CDK13: variants seen among roughly 807,000 people sequenced by gnomAD.
The protein encoded by CDK13 is cyclin dependent kinase 13, also known as cyclin-dependent kinase 13.
In CDK13, 40 loss-of-function variants were observed where a neutral mutation model predicts 137.6. The ratio of observed to expected loss-of-function variants is 0.29; its 90% confidence interval spans 0.23 to 0.38. The LOEUF (loss-of-function observed/expected upper bound fraction) is 0.38. Ranked by LOEUF, CDK13 falls within the 10% of genes least tolerant of loss-of-function variation. The probability of loss-of-function intolerance (pLI) is 1.00; values close to 1 mark genes in which losing one functional copy is unlikely to be tolerated. For synonymous variants in CDK13, 869 were observed against 760.1 expected (o/e 1.14, Z -2.36); for missense variants, 1,704 against 1,951.8 (o/e 0.87, Z 2.39).
In CDK13 at chr7:40,094,189, G is replaced by A. The variant is rs189808454; in HGVS notation, c.3748G>A (p.Asp1250Asn). The change falls in exon 14 of 14, where the codon GAC becomes AAC. Residue 1250 changes from aspartate (D) to asparagine (N), a missense_variant. Transcript: ENST00000181839. ...GATCTTGGAGCTAACGCCAGAACCA[G>A]ACCGGCCTCGAATTCTGCCTCCTGA... Reference protein sequence around the residue: ...MRILELTPEPDRPRILPPDQR... With the variant: ...MRILELTPEPNRPRILPPDQR... The A allele has an allele frequency of 2.7e-4, 440 of 1,613,998 alleles. 1 individual carries two copies. The highest frequency in any genetic ancestry group is 1.4e-5 in the Non-Finnish European group (16 of 1,180,002).
At chr7:40,027,141 C>T (rs966028590) in intron 5 of CDK13, among the ~76,000 whole-genome samples, 8 of 152,122 alleles carry the variant, frequency 5.3e-5, no homozygotes, top group African/African-American at 1.9e-4. Context: ...GTCAGGAGTT[C>T]GAGACCAGCC....
intron 2 of CDK13, among the ~76,000 whole-genome samples, chr7:39,992,413 G>A (rs1784482617): frequency 6.6e-6 from 1 of 151,942 alleles, no homozygotes; most frequent in Non-Finnish European, 1.5e-5. Context: ...GGCCAGGCTG[G>A]TCTCAAACCC....
At chr7:40,027,642 T>C (rs1188062891) in intron 5 of CDK13, among the ~76,000 whole-genome samples, 1 of 146,526 alleles carries the variant, frequency 6.8e-6, no homozygotes, top group Non-Finnish European at 1.5e-5. Context: ...TTACTTTCTA[T>C]AACACCCTTG....
intron 5 of CDK13, among the ~76,000 whole-genome samples, chr7:40,040,027 G>C (rs574853845): frequency 4.2e-4 from 56 of 133,676 alleles, no homozygotes; most frequent in Non-Finnish European, 3.2e-5. Flanking sequence ...TTTTTTTTGA[G>C]ATTGAGTTTT....
chr7:39,996,963 A>AAT, intron 2 of CDK13, among the ~76,000 whole-genome samples: 1 of 79,336 alleles, frequency 1.3e-5, no homozygotes, highest in African/African-American at 3.3e-5. Flanking sequence ...TTCCATCTCA[A>AAT]AAAAAAAAAA....
At chr7:40,045,182 G>A (rs1053528644) in intron 5 of CDK13, among the ~76,000 whole-genome samples, 19 of 152,142 alleles carry the variant, frequency 1.2e-4, no homozygotes, top group African/African-American at 4.6e-4. Flanking sequence ...CAGTTTGTGT[G>A]TAAGTTTCTT....
At chr7:39,961,309 G>A (rs1787612641) in intron 1 of CDK13, among the ~76,000 whole-genome samples, 1 of 152,100 alleles carries the variant, frequency 6.6e-6, no homozygotes, top group South Asian at 2.1e-4. Flanking sequence ...GCAGTGAGCC[G>A]AGATCTCGCC....
chr7:39,976,464 C>T (rs927772889), intron 1 of CDK13, among the ~76,000 whole-genome samples: 2 of 151,796 alleles, frequency 1.3e-5, no homozygotes, highest in East Asian at 1.9e-4. Flanking sequence ...TCTTAGTTCC[C>T]CCATCTGCTT....
rs537373847 is a variant in CDK13 at position 40,025,478 on chromosome 7, A to G, written c.2354-20358A>G. Among the ~76,000 whole-genome samples the G allele has an allele frequency of 9.1e-4, 139 of 152,268 alleles. 1 individual carries two copies. The Middle Eastern group carries it at 0.024, about 26-fold the overall frequency. On this transcript the variant is annotated intron_variant, in intron 5 of 13. Coordinates refer to ENST00000181839, the MANE Select transcript of CDK13 (RefSeq NM_003718.5). ...TGTAGTTTTTTGATCCACTTTCACC[A>G]TTGCTATTCCTTGTATCTACTTTCA...
At chr7:40,009,278 T>C (rs780420775) in intron 5 of CDK13, among the ~76,000 whole-genome samples, 18 of 152,280 alleles carry the variant, frequency 1.2e-4, no homozygotes, top group Non-Finnish European at 2.5e-4. Context: ...AAATGTAGCC[T>C]GAACTATATT....
intron 1 of CDK13, among the ~76,000 whole-genome samples, chr7:39,967,187 G>A (rs1012742426): frequency 2.0e-5 from 3 of 152,042 alleles, no homozygotes; most frequent in Admixed American, 6.6e-5. Flanking sequence ...CAGTACTTTG[G>A]GAGCCTGAGG....
At chr7:39,994,982 A>G (rs925532517) in intron 2 of CDK13, among the ~76,000 whole-genome samples, 1 of 151,568 alleles carries the variant, frequency 6.6e-6, no homozygotes, top group African/African-American at 2.4e-5. Context: ...ATTTGGAGAC[A>G]GCTTTATAAT....
chr7:39,960,669 G>A (rs1477763808), intron 1 of CDK13, among the ~76,000 whole-genome samples: 1 of 152,018 alleles, frequency 6.6e-6, no homozygotes, highest in African/African-American at 2.4e-5. Flanking sequence ...ACGCCTCCTG[G>A]GTTCAAGCTG....
chr7:39,997,888 T>C, intron 3 of CDK13: 1 of 440,286 alleles, frequency 2.3e-6, no homozygotes. Flanking sequence ...ATTTGTAATG[T>C]ATTAATTTCC....
chr7:40,027,410 T>C (rs948488009), intron 5 of CDK13, among the ~76,000 whole-genome samples: 1 of 152,224 alleles, frequency 6.6e-6, no homozygotes, highest in Non-Finnish European at 1.5e-5. Flanking sequence ...TTAGCTACTT[T>C]AGATTTTTTG....
intron 5 of CDK13, among the ~76,000 whole-genome samples, chr7:40,003,144 T>C (rs1784720197): frequency 7.1e-6 from 1 of 141,276 alleles, no homozygotes; most frequent in Admixed American, 7.4e-5. Context: ...GACTCCTGTC[T>C]TCCCCAGCTA....
chr7:40,093,194 A>G lies in CDK13; in HGVS notation c.3645A>G (p.Ser1215=), dbSNP rs143180759. The change falls in exon 13 of 14, where the codon TCA becomes TCG. Residue 1215 remains serine, a synonymous_variant. Coordinates refer to ENST00000181839, the MANE Select transcript of CDK13 (RefSeq NM_003718.5). ...AAAATGGATCGGGACATGAAGCGTCATTACAACTCAGGCCACCTCCAGAAC... is the reference window on the plus strand; with the variant it reads ...AAAATGGATCGGGACATGAAGCGTCGTTACAACTCAGGCCACCTCCAGAAC... The part of the protein sequence containing the change: ...ERENGSGHEA[S]LQLRPPPEPS... 85 of 1,613,814 alleles carry G rather than the reference A, an allele frequency of 5.3e-5. No homozygotes were observed. In the African/African-American group the frequency reaches 1.1e-3, roughly 20 times the overall value.
At chr7:40,089,721 A>AGCGTGT (rs1302558699) in intron 12 of CDK13, among the ~76,000 whole-genome samples, 3 of 126,758 alleles carry the variant, frequency 2.4e-5, no homozygotes, top group African/African-American at 1.1e-4. Context: ...AGAGAGAGAG[A>AGCGTGT]GAGTGTGTGT....
rs562530515 is a variant in CDK13 at position 39,965,779 on chromosome 7, T to G, written c.1211+13927T>G. 7.9e-5 allele frequency among the ~76,000 whole-genome samples: 12 copies of G among 152,344 alleles called. No individual in the cohort carries two copies. In the East Asian group the frequency reaches 2.3e-3, roughly 29 times the overall value. On this transcript the variant is annotated intron_variant, in intron 1 of 13. Transcript: ENST00000181839. The stretch of plus-strand genomic sequence containing the variant: ...ACCGGTTGTTCCTTTCCATGTTTAG[T>G]GCTTCCTTCAGGAGCTCTTGTAGGG...
Sources: gnomAD v4.1 joint callset for allele counts (sites outside exome capture counted in the v4.1 genomes callset) on GRCh38, gnomAD v4.1.1 for gene constraint, MANE v1.5 for transcripts, NCBI Gene and HGNC (gene_info 2026-07-23, HGNC 2026-07-21) for gene names.